The following ADCY10 variants were observed in gnomAD, a reference collection of about 807,000 sequenced individuals.
ADCY10 encodes adenylate cyclase 10.
ADCY10 carries 156 observed loss-of-function variants against 183.3 expected under a neutral mutation model. That is an observed-to-expected ratio of 0.85 (90% CI 0.75 to 0.97). The LOEUF (loss-of-function observed/expected upper bound fraction) is 0.97. ADCY10 is among the 50% of genes least tolerant of loss of function. ADCY10 has a pLI of 0.00. For synonymous variants in ADCY10, 645 were observed against 670.0 expected, an observed-to-expected ratio of 0.96 and a Z score of 0.58; for missense variants, 1,745 against 1,934.3, an observed-to-expected ratio of 0.90 and a Z score of 1.84.
At chr1:167,870,512 G>T in intron 13 of ADCY10, 102 bp from the exon 14 acceptor site, 1 of 1,082,976 alleles carries the variant, frequency 9.2e-7, no homozygotes. Flanking sequence ...ATATCCTTGG[G>T]CCAGGCGCTG....
chr1:167,813,341 C>G (rs1321769281), intron 31 of ADCY10, among the ~76,000 whole-genome samples: 1 of 151,062 alleles, frequency 6.6e-6, no homozygotes, highest in East Asian at 1.9e-4. Context: ...GGCAGTGGGC[C>G]AATACATTCA....
At chr1:167,912,538 A>G (rs538780680) in intron 1 of ADCY10, among the ~76,000 whole-genome samples, 2 of 152,260 alleles carry the variant, frequency 1.3e-5, no homozygotes, top group Admixed American at 1.3e-4. Flanking sequence ...AATCCCCTGA[A>G]CCCTATGCAA....
At chr1:167,884,673 C>G (rs908889670) in intron 8 of ADCY10, among the ~76,000 whole-genome samples, 5 of 151,668 alleles carry the variant, frequency 3.3e-5, no homozygotes, top group Non-Finnish European at 5.9e-5. Flanking sequence ...ATTCTCTACC[C>G]CCATGAGTTC....
Position 167,810,877 on chromosome 1 carries a change from G to C in ADCY10, c.4519C>G (p.Pro1507Ala). 6.2e-7 allele frequency: 1 copy of C among 1,614,088 alleles called. No individual in the cohort carries two copies. The highest frequency in any genetic ancestry group is 8.5e-7 in the Non-Finnish European group (1 of 1,180,008). ...TGGTAGAGCCTTGGGCAAAAGACAGGGCCAGTGGTATTTTGAGCCACCAGA... is the reference window on the plus strand; with the variant it reads ...TGGTAGAGCCTTGGGCAAAAGACAGCGCCAGTGGTATTTTGAGCCACCAGA... ...ENLVAQNTTG[P>A]VFCPRLYHLM... is the part of the protein sequence containing the mutation. The change falls in exon 32 of 33, where the codon CCT (proline) becomes GCT (alanine). Residue 1507 changes from proline to alanine, a missense_variant. Pro to Ala is a conservative substitution (Grantham distance 27). Transcript: ENST00000367851.
intron 23 of ADCY10, among the ~76,000 whole-genome samples, chr1:167,835,891 C>T (rs1346665605): frequency 6.6e-6 from 1 of 152,026 alleles, no homozygotes; most frequent in Non-Finnish European, 1.5e-5. Context: ...ATCTCAAAAA[C>T]AAAACAAAAA....
In ADCY10 at chr1:167,832,963, G is replaced by A; in HGVS notation, c.3593+24C>T. Reference sequence around the variant, plus strand: ...TCTGGGGAGTGAGACTAAACAGTCTGCTCTCCCCAGCTCCTTCCCTTACCC... The same window carrying A: ...TCTGGGGAGTGAGACTAAACAGTCTACTCTCCCCAGCTCCTTCCCTTACCC... On this transcript the variant is annotated intron_variant, in intron 25 of 32. Transcript: ENST00000367851. The A allele has an allele frequency of 1.9e-6, 3 of 1,610,346 alleles. No individual in the cohort carries two copies. The South Asian group carries it at 3.3e-5, about 18-fold the overall frequency.
chr1:167,902,075 T>C (rs1669471808), intron 3 of ADCY10, 21 bp from the exon 4 acceptor site: 1 of 1,574,886 alleles, frequency 6.3e-7, no homozygotes, highest in Non-Finnish European at 8.7e-7. Flanking sequence ...AAAAAAAAAT[T>C]AAATCAAACC....
In ADCY10 at chr1:167,883,428, C is replaced by T. The variant is rs1668004999; in HGVS notation, c.1020+9G>A. On this transcript the variant is annotated intron_variant, in intron 9 of 32. Coordinates refer to ENST00000367851, the MANE Select transcript of ADCY10 (RefSeq NM_018417.6). ...ATTGGTAGGTTCCCATCCCATAGTTCACACTTACCTTGTCAAACATGAAGA... is the reference window on the plus strand; with the variant it reads ...ATTGGTAGGTTCCCATCCCATAGTTTACACTTACCTTGTCAAACATGAAGA... 6.2e-7 allele frequency: 1 copy of T among 1,613,950 alleles called. No homozygotes were observed. The highest frequency in any genetic ancestry group is 1.3e-5 in the African/African-American group (1 of 74,926).
At chr1:167,900,987 A>T (rs952011443) in intron 5 of ADCY10, among the ~76,000 whole-genome samples, 4 of 152,200 alleles carry the variant, frequency 2.6e-5, no homozygotes, top group African/African-American at 9.7e-5. Flanking sequence ...CACCAACAGC[A>T]CCAACCATAA....
intron 10 of ADCY10, 32 bp downstream of exon 10, chr1:167,880,459 G>T (rs760093621): frequency 1.8e-5 from 27 of 1,515,574 alleles, no homozygotes; most frequent in Non-Finnish European, 2.3e-5. Context: ...AAGGGTCAGG[G>T]ACCGCTGGGT....
intron 18 of ADCY10, among the ~76,000 whole-genome samples, chr1:167,848,757 T>C (rs530204443): frequency 2.6e-5 from 4 of 151,996 alleles, no homozygotes; most frequent in Admixed American, 2.6e-4. Flanking sequence ...TTCAAGCGAT[T>C]CCTGCCTCAG....
At chr1:167,871,834 T>G (rs140934319) in intron 13 of ADCY10, among the ~76,000 whole-genome samples, 146 of 152,344 alleles carry the variant, frequency 9.6e-4, no homozygotes, top group South Asian at 2.3e-3. Context: ...ATTCCCTTTC[T>G]GAAAATGCAT....
rs536635261 is a variant in ADCY10, at chr1:167,897,155, A to C, written c.643-464T>G. ...GACACACTGAGGATGGCACGATCTC[A>C]TTTTTGTGGTATTCTTGGTTAAAAA... On this transcript the variant is annotated intron_variant, in intron 6 of 32. Transcript: ENST00000367851. Among the ~76,000 whole-genome samples, 756 of 150,540 alleles carry C rather than the reference A, an allele frequency of 5.0e-3. 1 individual carries two copies. Among genetic ancestry groups the C allele is most frequent in the Non-Finnish European group, 7.8e-3 (525 of 67,672 alleles).
At chr1:167,904,962 C>T (rs754174934) in intron 2 of ADCY10, 31 bp downstream of exon 2, 3 of 1,614,184 alleles carry the variant, frequency 1.9e-6, no homozygotes, top group Admixed American at 1.7e-5. Flanking sequence ...GTTGCTCATC[C>T]ACATTAAACA....
intron 18 of ADCY10, among the ~76,000 whole-genome samples, chr1:167,851,886 T>C (rs188672001): frequency 9.8e-5 from 15 of 152,298 alleles, no homozygotes; most frequent in African/African-American, 3.6e-4. Flanking sequence ...ATTTTGTGAA[T>C]TGATCAAATA....
intron 14 of ADCY10, among the ~76,000 whole-genome samples, chr1:167,864,347 G>C (rs1267297595): frequency 2.6e-5 from 4 of 152,166 alleles, no homozygotes; most frequent in African/African-American, 9.7e-5. Context: ...TATGACACTA[G>C]AAAAACTTAG....
intron 21 of ADCY10, among the ~76,000 whole-genome samples, chr1:167,840,645 C>T (rs1329852111): frequency 1.3e-5 from 2 of 151,978 alleles, no homozygotes; most frequent in Non-Finnish European, 2.9e-5. Flanking sequence ...CATGAGCAAC[C>T]GTGCCCAACC....
At chr1:167,836,594 T>A in intron 22 of ADCY10, 54 bp from the exon 23 acceptor site, 1 of 1,306,442 alleles carries the variant, frequency 7.7e-7, no homozygotes, top group Non-Finnish European at 1.1e-6. Flanking sequence ...ACTTTTGATA[T>A]TAAAATATCT....
intron 19 of ADCY10, among the ~76,000 whole-genome samples, chr1:167,848,060 T>A (rs1470049496): frequency 3.3e-5 from 5 of 151,796 alleles, no homozygotes; most frequent in African/African-American, 1.2e-4. Flanking sequence ...AAATACCAGG[T>A]CAGATTTTCT....
Sources: allele counts gnomAD v4.1 joint callset (sites outside exome capture counted in the v4.1 genomes callset), GRCh38; gene constraint gnomAD v4.1.1; transcripts MANE v1.5; gene names NCBI Gene and HGNC (gene_info 2026-07-23, HGNC 2026-07-21).